The following BMPR1A variants were observed in gnomAD, a reference collection of about 807,000 sequenced individuals.
The protein encoded by BMPR1A is bone morphogenetic protein receptor type-1A.
Under a neutral mutation model 66.0 loss-of-function variants are expected in BMPR1A, and 7 were observed. That is an observed-to-expected ratio of 0.11 (90% CI 0.06 to 0.20). BMPR1A has a LOEUF of 0.20. Among genes scored for constraint, BMPR1A ranks in the 10% least tolerant of loss-of-function variants. The pLI is 1.00. For synonymous variants in BMPR1A, 200 were observed against 229.7 expected, an observed-to-expected ratio of 0.87 and a Z score of 1.17; for missense variants, 408 against 669.1, an observed-to-expected ratio of 0.61 and a Z score of 4.31.
intron 1 of BMPR1A, among the ~76,000 whole-genome samples, chr10:86,814,993 C>T (rs1842016417): frequency 6.6e-6 from 1 of 152,118 alleles, no homozygotes; most frequent in South Asian, 2.1e-4. Context: ...ACCATATTGG[C>T]CAGGCTTGTC....
chr10:86,876,740 C>G (rs766490122), intron 3 of BMPR1A, among the ~76,000 whole-genome samples: 6 of 152,202 alleles, frequency 3.9e-5, no homozygotes, highest in Non-Finnish European at 7.3e-5. Context: ...CCAATGCACT[C>G]TAGCCTGGGC....
At chr10:86,790,514 G>A (rs925622772) in intron 1 of BMPR1A, among the ~76,000 whole-genome samples, 2 of 151,880 alleles carry the variant, frequency 1.3e-5, no homozygotes, top group African/African-American at 2.4e-5. Context: ...GTTTACAGCA[G>A]CATTATTCAT....
At chr10:86,848,801 T>A (rs933108760) in intron 2 of BMPR1A, among the ~76,000 whole-genome samples, 2 of 152,218 alleles carry the variant, frequency 1.3e-5, no homozygotes, top group African/African-American at 4.8e-5. Context: ...CTGTAATTTT[T>A]CCAGCAACCC....
intron 1 of BMPR1A, among the ~76,000 whole-genome samples, chr10:86,819,943 G>T (rs1259329329): frequency 6.6e-6 from 1 of 152,220 alleles, no homozygotes; most frequent in Non-Finnish European, 1.5e-5. Flanking sequence ...GATGGTTTCT[G>T]CTAGCTCTGG....
intron 1 of BMPR1A, among the ~76,000 whole-genome samples, chr10:86,833,749 G>T (rs2133081080): frequency 6.6e-6 from 1 of 152,224 alleles, no homozygotes; most frequent in African/African-American, 2.4e-5. Context: ...ATAAATTTAG[G>T]GCAGTTTACA....
At chr10:86,875,287 C>T (rs1431134983) in intron 2 of BMPR1A, among the ~76,000 whole-genome samples, 1 of 152,024 alleles carries the variant, frequency 6.6e-6, no homozygotes, top group African/African-American at 2.4e-5. Flanking sequence ...GCAGGAGAAT[C>T]ACTTGAACCC....
At chr10:86,866,689 C>T (rs1842792325) in intron 2 of BMPR1A, among the ~76,000 whole-genome samples, 2 of 149,590 alleles carry the variant, frequency 1.3e-5, no homozygotes, top group African/African-American at 4.9e-5. Flanking sequence ...CTTTGCGCTT[C>T]ATTTTTTTTT....
chr10:86,923,304 A>C, intron 11 of BMPR1A, 72 bp from the exon 12 acceptor site: 1 of 1,594,620 alleles, frequency 6.3e-7, no homozygotes. Flanking sequence ...AGTTTAGCAA[A>C]AGATGCTTAC....
rs1843589862 is a variant in BMPR1A, at chr10:86,917,345, A to G, written c.868+19A>G. On this transcript the variant is annotated intron_variant, in intron 9 of 12. Coordinates refer to ENST00000372037, the MANE Select transcript of BMPR1A (RefSeq NM_004329.3). ...ATACTTGGTGGGTACACACTGATTC[A>G]GTCAATTTCATTTTTGACAAGGCTA... 2.5e-6 allele frequency: 4 copies of G among 1,613,674 alleles called. No homozygotes were observed. Among genetic ancestry groups the G allele is most frequent in the Non-Finnish European group, 2.5e-6 (3 of 1,179,810 alleles).
At chr10:86,778,030 T>C (rs1165795689) in intron 1 of BMPR1A, among the ~76,000 whole-genome samples, 2 of 151,684 alleles carry the variant, frequency 1.3e-5, no homozygotes, top group African/African-American at 4.8e-5. Flanking sequence ...AAAATTAAAT[T>C]GACAAATGTA....
chr10:86,808,476 G>A (rs187339762), intron 1 of BMPR1A, among the ~76,000 whole-genome samples: 22 of 151,996 alleles, frequency 1.4e-4, no homozygotes, highest in African/African-American at 4.6e-4. Flanking sequence ...TCCAAAGGTG[G>A]AACTGTGAGC....
chr10:86,854,383 A>G (rs1441986522), intron 2 of BMPR1A, among the ~76,000 whole-genome samples: 1 of 152,196 alleles, frequency 6.6e-6, no homozygotes, highest in East Asian at 1.9e-4. Context: ...GGATTAAGAG[A>G]TTAAAGTAAA....
intron 7 of BMPR1A, among the ~76,000 whole-genome samples, chr10:86,905,819 A>G (rs1843377181): frequency 6.6e-6 from 1 of 152,110 alleles, no homozygotes. Flanking sequence ...AGCAAAAAAA[A>G]AAAAATTGCC....
chr10:86,873,185 A>T (rs1318573427), intron 2 of BMPR1A, among the ~76,000 whole-genome samples: 1 of 152,216 alleles, frequency 6.6e-6, no homozygotes, highest in African/African-American at 2.4e-5. Flanking sequence ...AAGATGTAAC[A>T]AGGCATAGCG....
chr10:86,779,981 TTA>T (rs1841410923), intron 1 of BMPR1A, among the ~76,000 whole-genome samples: 1 of 152,150 alleles, frequency 6.6e-6, no homozygotes, highest in South Asian at 2.1e-4. Context: ...TCCTAACTCA[TTA>T]TAACCTTGAA....
intron 1 of BMPR1A, among the ~76,000 whole-genome samples, chr10:86,835,255 A>AG (rs1310376802): frequency 6.6e-6 from 1 of 150,544 alleles, no homozygotes; most frequent in East Asian, 1.9e-4. Context: ...AAAAGAAAAA[A>AG]AAAAAAAACA....
chr10:86,861,090 C>T (rs952670657), intron 2 of BMPR1A, among the ~76,000 whole-genome samples: 2 of 152,114 alleles, frequency 1.3e-5, no homozygotes, highest in Non-Finnish European at 2.9e-5. Flanking sequence ...ATCCGCCATC[C>T]TTGGCCTCCC....
chr10:86,902,284 A>G (rs973608296), intron 7 of BMPR1A, among the ~76,000 whole-genome samples: 25 of 152,156 alleles, frequency 1.6e-4, no homozygotes, highest in African/African-American at 5.6e-4. Flanking sequence ...TGAATTGCAT[A>G]GATTTTTTTC....
intron 1 of BMPR1A, among the ~76,000 whole-genome samples, chr10:86,790,963 A>G (rs1841608066): frequency 6.6e-6 from 1 of 152,246 alleles, no homozygotes; most frequent in Non-Finnish European, 1.5e-5. Flanking sequence ...ATGAATGGCC[A>G]TAGCCTTTGG....
Sources: allele counts gnomAD v4.1 joint callset (sites outside exome capture counted in the v4.1 genomes callset), GRCh38; gene constraint gnomAD v4.1.1; transcripts MANE v1.5; gene names NCBI Gene and HGNC (gene_info 2026-07-23, HGNC 2026-07-21).